Variants in COP1 observed in about 807,000 individuals in gnomAD.
The protein encoded by COP1 is E3 ubiquitin-protein ligase COP1.
Under a neutral mutation model 101.3 loss-of-function variants are expected in COP1, and 24 were observed. The ratio of observed to expected loss-of-function variants is 0.24; its 90% CI spans 0.17 to 0.33. The LOEUF (loss-of-function observed/expected upper bound fraction) is 0.33, where lower values mean the gene tolerates loss of function less well. COP1 is among the 10% of genes least tolerant of loss of function. The probability of loss-of-function intolerance (pLI) is 1.00; values close to 1 mark genes in which losing one functional copy is unlikely to be tolerated. For synonymous variants in COP1, 347 were observed against 341.9 expected (o/e 1.01, Z -0.17); for missense variants, 663 against 906.2 (o/e 0.73, Z 3.45).
chr1:176,141,784 G>A (rs896706015), intron 6 of COP1, among the ~76,000 whole-genome samples: 1 of 150,680 alleles, frequency 6.6e-6, no homozygotes, highest in Non-Finnish European at 1.5e-5. Context: ...AGGCTGGAGT[G>A]CAGTGGCACA....
At chr1:176,005,237 C>G (rs926290214) in intron 15 of COP1, among the ~76,000 whole-genome samples, 4 of 152,000 alleles carry the variant, frequency 2.6e-5, no homozygotes, top group African/African-American at 9.7e-5. Context: ...TTTGATTCTT[C>G]TCTCTTTTCT....
intron 6 of COP1, among the ~76,000 whole-genome samples, chr1:176,148,390 AT>A (rs1336504618): frequency 2.0e-5 from 3 of 151,630 alleles, no homozygotes; most frequent in African/African-American, 7.3e-5. Flanking sequence ...CCAGTTAGAA[AT>A]TTAAAAAAAA....
chr1:176,102,765 C>T (rs931230255), intron 9 of COP1, among the ~76,000 whole-genome samples: 1 of 152,208 alleles, frequency 6.6e-6, no homozygotes, highest in Non-Finnish European at 1.5e-5. Context: ...TTCCTAAGAT[C>T]AGTGCTTGAG....
At chr1:176,092,455 A>G (rs1681504388) in intron 9 of COP1, among the ~76,000 whole-genome samples, 1 of 152,140 alleles carries the variant, frequency 6.6e-6, no homozygotes, top group African/African-American at 2.4e-5. Flanking sequence ...CAAGATACAA[A>G]CTGTAAGAAG....
chr1:176,072,631 A>G (rs1677203217), intron 11 of COP1, among the ~76,000 whole-genome samples: 1 of 152,220 alleles, frequency 6.6e-6, no homozygotes, highest in African/African-American at 2.4e-5. Context: ...GTCAATAATT[A>G]TCTAGAGATG....
At chr1:175,973,111 C>A (rs201885020) in intron 18 of COP1, among the ~76,000 whole-genome samples, 1 of 152,146 alleles carries the variant, frequency 6.6e-6, no homozygotes, top group Non-Finnish European at 1.5e-5. Flanking sequence ...AGATTACAGG[C>A]GTGAACCACC....
At chr1:176,171,162 T>A (rs889056335) in intron 3 of COP1, among the ~76,000 whole-genome samples, 1 of 150,262 alleles carries the variant, frequency 6.7e-6, no homozygotes, top group African/African-American at 2.4e-5. Flanking sequence ...GGCTGTTATA[T>A]CTACACTGAA....
At chr1:176,025,299 T>C (rs1384579045) in intron 15 of COP1, among the ~76,000 whole-genome samples, 4 of 151,988 alleles carry the variant, frequency 2.6e-5, no homozygotes, top group Admixed American at 2.6e-4. Context: ...TGATAAATCA[T>C]TGGAAAAGAA....
At chr1:176,081,720 T>A (rs536117328) in intron 10 of COP1, among the ~76,000 whole-genome samples, 15 of 152,226 alleles carry the variant, frequency 9.9e-5, no homozygotes, top group South Asian at 6.2e-4. Flanking sequence ...CCGTTTATAA[T>A]AACATTTTAG....
chr1:176,035,536 T>TGGG (rs1669351371), intron 14 of COP1, among the ~76,000 whole-genome samples: 1 of 151,754 alleles, frequency 6.6e-6, no homozygotes, highest in Non-Finnish European at 1.5e-5. Flanking sequence ...AGTGATATTA[T>TGGG]ATATTAACAA....
At chr1:175,981,785 A>C (rs1287774768) in intron 18 of COP1, among the ~76,000 whole-genome samples, 1 of 152,164 alleles carries the variant, frequency 6.6e-6, no homozygotes, top group Non-Finnish European at 1.5e-5. Context: ...CAACACCTAA[A>C]CAGCAAGAAA....
intron 15 of COP1, among the ~76,000 whole-genome samples, chr1:176,000,109 C>A (rs562941454): frequency 2.6e-5 from 4 of 152,104 alleles, no homozygotes; most frequent in Admixed American, 2.6e-4. Flanking sequence ...AGCTTTTTAA[C>A]TTGATATGAT....
chr1:176,090,448 C>T (rs967196263), intron 9 of COP1, among the ~76,000 whole-genome samples: 2 of 152,060 alleles, frequency 1.3e-5, no homozygotes, highest in African/African-American at 4.8e-5. Context: ...TATTTTATAG[C>T]GTTTGACTCT....
intron 6 of COP1, among the ~76,000 whole-genome samples, chr1:176,136,820 CAG>C (rs1395336342): frequency 6.6e-6 from 1 of 151,984 alleles, no homozygotes; most frequent in Non-Finnish European, 1.5e-5. Flanking sequence ...AGATGAATGA[CAG>C]TGGCTTAAAA....
chr1:176,174,541 C>T (rs532200503), intron 3 of COP1, among the ~76,000 whole-genome samples: 15 of 125,270 alleles, frequency 1.2e-4, no homozygotes, highest in African/African-American at 4.0e-4. Context: ...CTATGTAATC[C>T]TCCAGCGATT....
At position 176,206,885 on chromosome 1, in the gene COP1, A is replaced by G; in HGVS notation, c.94T>C (p.Ser32Pro). 1 of 1,464,658 alleles carries G rather than the reference A, an allele frequency of 6.8e-7. No homozygotes were observed. Among genetic ancestry groups the G allele is most frequent in the Non-Finnish European group, 9.0e-7 (1 of 1,113,946 alleles). 90.7% of individuals were successfully genotyped at this position (1,464,658 alleles called of 1,614,324 possible). A position where few individuals can be genotyped will look rare whatever the true frequency, so the allele number is the denominator to read the frequency against. Residue 32 changes from serine to proline, a missense_variant, in exon 1 of 20, where the codon TCC becomes CCC. Coordinates refer to ENST00000367669, the MANE Select transcript of COP1 (RefSeq NM_022457.7). ...ACGGAAGGCGGCGACGGGGAAGAGGATAAAGACGAGGAGGCGGAAGTCACC... is the reference window on the plus strand; with the variant it reads ...ACGGAAGGCGGCGACGGGGAAGAGGGTAAAGACGAGGAGGCGGAAGTCACC... ...SSVTSASSSL[S>P]SSPSPPSVAV...
intron 18 of COP1, among the ~76,000 whole-genome samples, chr1:175,956,886 T>C (rs1369136866): frequency 6.6e-6 from 1 of 152,178 alleles, no homozygotes; most frequent in Non-Finnish European, 1.5e-5. Flanking sequence ...TTATTGTCCC[T>C]GAAGACATTC....
chr1:175,963,850 T>C (rs1651678863), intron 18 of COP1, among the ~76,000 whole-genome samples: 1 of 152,196 alleles, frequency 6.6e-6, no homozygotes, highest in Non-Finnish European at 1.5e-5. Context: ...GTTCATACTA[T>C]AGTTATTTAT....
At chr1:175,998,483 GA>G (rs139895086) in intron 15 of COP1, among the ~76,000 whole-genome samples, 8,028 of 145,698 alleles carry the variant, frequency 0.055, 462 homozygotes, top group South Asian at 0.15. Flanking sequence ...TAAAAAAAGA[GA>G]AAAAAAAGAA....
Sources: gnomAD v4.1 joint callset for allele counts (sites outside exome capture counted in the v4.1 genomes callset) on GRCh38, gnomAD v4.1.1 for gene constraint, MANE v1.5 for transcripts, NCBI Gene and HGNC (gene_info 2026-07-23, HGNC 2026-07-21) for gene names.